MYRFL: variants seen among roughly 807,000 people sequenced by gnomAD.
MYRFL encodes myelin regulatory factor-like protein.
MYRFL carries 88 observed loss-of-function variants against 109.4 expected under a neutral mutation model. That is an observed-to-expected ratio of 0.80 (90% CI 0.68 to 0.96). The LOEUF is 0.96. MYRFL is among the 40% of genes least tolerant of loss of function. MYRFL has a pLI of 0.00. For missense variants in MYRFL, 957 were observed against 954.9 expected (o/e 1.00, Z -0.03); for synonymous variants, 324 against 320.9 (o/e 1.01, Z -0.10).
intron 10 of MYRFL, 56 bp downstream of exon 10, chr12:69,897,302 A>G: frequency 2.4e-6 from 3 of 1,274,824 alleles, no homozygotes; most frequent in Non-Finnish European, 3.3e-6. Flanking sequence ...CTATGTAGGC[A>G]GAATTTGAAT....
chr12:69,915,238 C>T (rs374604375), intron 13 of MYRFL, among the ~76,000 whole-genome samples: 47 of 152,122 alleles, frequency 3.1e-4, no homozygotes, highest in African/African-American at 1.1e-3. Flanking sequence ...GTTGCCACCT[C>T]CAGGGCTGCT....
rs74663975 is a variant in MYRFL at position 69,931,656 on chromosome 12, T to C, written c.1831-857T>C. On this transcript the variant is annotated intron_variant, in intron 15 of 24. Coordinates refer to ENST00000552032, the MANE Select transcript of MYRFL (RefSeq NM_182530.3). Reference sequence around the variant, plus strand: ...CCAAAAGCATGACTCTATCCCAAATTCCCCGGAAGCAAGCAGATATAATAC... The same window carrying C: ...CCAAAAGCATGACTCTATCCCAAATCCCCCGGAAGCAAGCAGATATAATAC... Among the ~76,000 whole-genome samples the C allele has an allele frequency of 1.8e-3, 19 of 10,280 alleles. 1 individual carries two copies. The highest frequency in any genetic ancestry group is 0.018 in the South Asian group (13 of 704). The allele number at this position is 10,280 out of a possible 152,430, so 6.7% of individuals were successfully genotyped here.
chr12:69,903,592 T>A, intron 10 of MYRFL, 52 bp from the exon 11 acceptor site: 1 of 1,510,204 alleles, frequency 6.6e-7, no homozygotes, highest in Non-Finnish European at 8.9e-7. Context: ...AATGTGATCA[T>A]CTATTCCTGC....
Position 69,855,957 on chromosome 12 carries a change from C to T in MYRFL, c.137+587C>T, listed in dbSNP as rs144269520. ...TCTGGCCTTTTTTATTTTTAATTTA[C>T]ATCTACTGAAGTTCAAATTTTTGTA... On this transcript the variant is annotated intron_variant, in intron 2 of 24. Transcript: ENST00000552032. 1.3e-3 allele frequency among the ~76,000 whole-genome samples: 198 copies of T among 152,056 alleles called. 1 individual carries two copies. The East Asian group carries it at 0.031, about 23-fold the overall frequency.
At chr12:69,883,699 C>T (rs77608380) in intron 5 of MYRFL, among the ~76,000 whole-genome samples, 1 of 65,916 alleles carries the variant, frequency 1.5e-5, no homozygotes, top group Non-Finnish European at 3.0e-5. Context: ...CCTGTCTCTA[C>T]AAAAAGTAAA....
At chr12:69,868,888 A>G (rs1285502703) in intron 2 of MYRFL, among the ~76,000 whole-genome samples, 2 of 151,984 alleles carry the variant, frequency 1.3e-5, no homozygotes, top group Non-Finnish European at 2.9e-5. Context: ...ACATGCACTC[A>G]CACACACGTA....
chr12:69,828,190 G>A (rs945244719), intron 1 of MYRFL, among the ~76,000 whole-genome samples: 1 of 152,030 alleles, frequency 6.6e-6, no homozygotes, highest in Non-Finnish European at 1.5e-5. Flanking sequence ...CTGGGCTATG[G>A]GATTCTATGG....
chr12:69,873,354 T>C (rs1385767724), intron 2 of MYRFL, among the ~76,000 whole-genome samples: 1 of 152,238 alleles, frequency 6.6e-6, no homozygotes, highest in African/African-American at 2.4e-5. Context: ...GGTGGCGGGT[T>C]GGACAAGCTT....
At chr12:69,825,671 C>G in intron 1 of MYRFL, 108 bp downstream of exon 1, 3 of 647,592 alleles carry the variant, frequency 4.6e-6, no homozygotes, top group Non-Finnish European at 8.3e-6. Flanking sequence ...GAAATGCTAT[C>G]ATACTTAGGT....
At chr12:69,931,999 C>T (rs1955287786) in intron 15 of MYRFL, among the ~76,000 whole-genome samples, 1 of 152,132 alleles carries the variant, frequency 6.6e-6, no homozygotes, top group Non-Finnish European at 1.5e-5. Context: ...ATACAGGTGA[C>T]AAATTGAATA....
At chr12:69,925,797 T>C (rs969553586) in intron 13 of MYRFL, among the ~76,000 whole-genome samples, 14 of 152,222 alleles carry the variant, frequency 9.2e-5, no homozygotes, top group Non-Finnish European at 2.9e-5. Context: ...AATTGCTTTT[T>C]TTTAGTTAGG....
intron 2 of MYRFL, among the ~76,000 whole-genome samples, chr12:69,866,781 A>G (rs1885042738): frequency 6.6e-6 from 1 of 152,226 alleles, no homozygotes; most frequent in Non-Finnish European, 1.5e-5. Context: ...GCCTTATGAA[A>G]AAGGACCAAA....
At chr12:69,950,822 T>TA (rs998471560) in intron 19 of MYRFL, among the ~76,000 whole-genome samples, 1 of 152,060 alleles carries the variant, frequency 6.6e-6, no homozygotes, top group Admixed American at 6.6e-5. Flanking sequence ...CTAAGATGGA[T>TA]AAAAAAGAAT....
intron 19 of MYRFL, among the ~76,000 whole-genome samples, chr12:69,951,603 T>C (rs1020980338): frequency 2.0e-5 from 3 of 152,016 alleles, no homozygotes; most frequent in Admixed American, 1.3e-4. Flanking sequence ...AATTTTATAT[T>C]TTTTAGTAGA....
intron 2 of MYRFL, among the ~76,000 whole-genome samples, chr12:69,874,135 T>C (rs149343560): frequency 6.6e-6 from 1 of 152,360 alleles, no homozygotes; most frequent in African/African-American, 2.4e-5. Context: ...CACAAAATCA[T>C]AATTTTTACT....
At chr12:69,958,219 G>A (rs932650478) in intron 23 of MYRFL, 30 bp from the exon 24 acceptor site, 13 of 1,507,180 alleles carry the variant, frequency 8.6e-6, no homozygotes, top group Middle Eastern at 1.7e-4. Context: ...ATGCGTGTAC[G>A]AAATGGATCC....
intron 1 of MYRFL, among the ~76,000 whole-genome samples, chr12:69,828,330 G>C (rs190837490): frequency 5.6e-4 from 85 of 152,104 alleles, no homozygotes; most frequent in African/African-American, 1.9e-3. Context: ...AATAGTTTCA[G>C]TAAAAGCCAT....
chr12:69,839,561 T>C (rs1430803271), intron 1 of MYRFL, among the ~76,000 whole-genome samples: 3 of 152,206 alleles, frequency 2.0e-5, no homozygotes, highest in Non-Finnish European at 2.9e-5. Context: ...TATGTTATAG[T>C]AGAAAACACC....
At chr12:69,906,572 G>C (rs199671256) in intron 11 of MYRFL, among the ~76,000 whole-genome samples, 26,956 of 152,056 alleles carry the variant, frequency 0.18, 3,324 homozygotes, top group African/African-American at 0.35. Context: ...GCCAGAAAAG[G>C]GAATCGTTAA....
Sources: gnomAD v4.1 joint callset for allele counts (sites outside exome capture counted in the v4.1 genomes callset) on GRCh38, gnomAD v4.1.1 for gene constraint, MANE v1.5 for transcripts, NCBI Gene and HGNC (gene_info 2026-07-23, HGNC 2026-07-21) for gene names.